HGF: variants seen among roughly 807,000 people sequenced by gnomAD.
The protein encoded by HGF is hepatocyte growth factor, also known as fibroblast-derived tumor cytotoxic factor.
Under a neutral mutation model 111.6 loss-of-function variants are expected in HGF, and 39 were observed. The ratio of observed to expected loss-of-function variants is 0.35; its 90% CI spans 0.27 to 0.46. The LOEUF (loss-of-function observed/expected upper bound fraction) is 0.46. Among genes scored for constraint, HGF ranks in the 20% least tolerant of loss-of-function variants. The pLI, the probability that HGF is intolerant of heterozygous loss-of-function variation, is 1.00. For synonymous variants in HGF, 285 were observed against 294.8 expected (o/e 0.97, Z 0.34); for missense variants, 735 against 910.5 (o/e 0.81, Z 2.48).
intron 10 of HGF, 126 bp downstream of exon 10, chr7:81,720,619 T>A: frequency 2.9e-6 from 2 of 678,448 alleles, no homozygotes; most frequent in Non-Finnish European, 5.3e-6. Context: ...GAAAAACCAA[T>A]CTAATGCTTT....
chr7:81,755,918 T>A (rs1290994709), intron 4 of HGF: 11 of 675,696 alleles, frequency 1.6e-5, no homozygotes, highest in Non-Finnish European at 2.2e-5. Context: ...ATAGGTTTAA[T>A]CCCAGTGTGG....
At chr7:81,743,990 CAG>C (rs1470741993) in intron 6 of HGF, among the ~76,000 whole-genome samples, 2 of 152,196 alleles carry the variant, frequency 1.3e-5, no homozygotes, top group Non-Finnish European at 2.9e-5. Context: ...TTCAAATGAA[CAG>C]AGTCCTGAAT....
At chr7:81,766,393 A>T (rs1287426390) in intron 1 of HGF, among the ~76,000 whole-genome samples, 1 of 152,180 alleles carries the variant, frequency 6.6e-6, no homozygotes, top group Admixed American at 6.5e-5. Context: ...AATTAATGGA[A>T]GGGAATGGTT....
intron 4 of HGF, among the ~76,000 whole-genome samples, chr7:81,752,982 C>T (rs1034187164): frequency 4.6e-5 from 7 of 152,048 alleles, no homozygotes; most frequent in Non-Finnish European, 7.4e-5. Context: ...AAGCACACTC[C>T]ACTTTGTAGT....
chr7:81,757,339 G>T, intron 3 of HGF, 36 bp from the exon 4 acceptor site: 1 of 1,082,978 alleles, frequency 9.2e-7, no homozygotes, highest in Non-Finnish European at 1.4e-6. Context: ...TTGCAACTAT[G>T]CAAAACATAT....
intron 6 of HGF, 134 bp from the exon 7 acceptor site, chr7:81,743,605 T>C: frequency 1.3e-6 from 1 of 741,208 alleles, no homozygotes; most frequent in Non-Finnish European, 2.5e-6. Flanking sequence ...ATGTTTTGCC[T>C]TACGAGGACT....
chr7:81,751,918 C>T (rs1019792976), intron 5 of HGF: 319 of 1,398,568 alleles, frequency 2.3e-4, no homozygotes, highest in Non-Finnish European at 2.8e-4. Context: ...TGATAACTCG[C>T]TCTGTTATTT....
In HGF at chr7:81,764,895, C is replaced by G. The variant is rs546984207; in HGVS notation, c.89-2023G>C. ...ATTTCTAAGGTGCTTTGAAATGCTTCATAGCATAATAGTTTTATAATTTCC... is the reference window on the plus strand; with the variant it reads ...ATTTCTAAGGTGCTTTGAAATGCTTGATAGCATAATAGTTTTATAATTTCC... On this transcript the variant is annotated intron_variant, in intron 1 of 17. Transcript: ENST00000222390. 9.2e-5 allele frequency among the ~76,000 whole-genome samples: 14 copies of G among 151,898 alleles called. No individual in the cohort carries two copies. The East Asian group carries it at 2.1e-3, about 23-fold the overall frequency.
intron 7 of HGF, among the ~76,000 whole-genome samples, chr7:81,733,467 T>C (rs1205201230): frequency 6.6e-6 from 1 of 152,050 alleles, no homozygotes; most frequent in Non-Finnish European, 1.5e-5. Flanking sequence ...ATTTTTCTTG[T>C]GTTTTAATTC....
At chr7:81,745,252 T>C (rs1018632020) in intron 5 of HGF, 132 bp from the exon 6 acceptor site, 14 of 846,370 alleles carry the variant, frequency 1.7e-5, no homozygotes, top group East Asian at 5.2e-5. Context: ...TCTAACTTTT[T>C]ATTAGGGCCT....
At chr7:81,753,013 TAAAG>T (rs1788581309) in intron 4 of HGF, among the ~76,000 whole-genome samples, 1 of 152,116 alleles carries the variant, frequency 6.6e-6, no homozygotes, top group Non-Finnish European at 1.5e-5. Context: ...TGTGTCCTAA[TAAAG>T]AACAGAATTG....
intron 2 of HGF, among the ~76,000 whole-genome samples, chr7:81,760,687 G>A (rs1228751883): frequency 7.7e-5 from 5 of 64,880 alleles, no homozygotes; most frequent in East Asian, 4.4e-4. Context: ...GTGCGTGTGT[G>A]TGTGTGTGTG....
chr7:81,752,719 C>T (rs1331126209), intron 4 of HGF, among the ~76,000 whole-genome samples: 1 of 151,818 alleles, frequency 6.6e-6, no homozygotes, highest in African/African-American at 2.4e-5. Context: ...CCCCTTTTTT[C>T]TGCACAATTG....
intron 7 of HGF, among the ~76,000 whole-genome samples, chr7:81,741,566 T>TATG (rs1491555382): frequency 6.7e-6 from 1 of 149,958 alleles, no homozygotes; most frequent in Non-Finnish European, 1.5e-5. Flanking sequence ...GGTGAGTGTG[T>TATG]ATGTGTGTGT....
chr7:81,742,658 C>A, intron 7 of HGF: 1 of 1,225,140 alleles, frequency 8.2e-7, no homozygotes, highest in Non-Finnish European at 1.0e-6. Flanking sequence ...GAGGAGAGGA[C>A]CAAGTTCACA....
At chr7:81,748,583 A>T (rs557372036) in intron 5 of HGF, among the ~76,000 whole-genome samples, 2 of 152,296 alleles carry the variant, frequency 1.3e-5, no homozygotes, top group South Asian at 4.1e-4. Context: ...AAACGATGTA[A>T]CAGTTTATAT....
At chr7:81,726,355 A>G (rs555648557) in intron 8 of HGF, among the ~76,000 whole-genome samples, 1 of 152,282 alleles carries the variant, frequency 6.6e-6, no homozygotes, top group African/African-American at 2.4e-5. Flanking sequence ...ATTTCAAAAC[A>G]TTGGCCTGTT....
intron 8 of HGF, among the ~76,000 whole-genome samples, chr7:81,727,324 T>A (rs573211325): frequency 2.6e-5 from 4 of 152,156 alleles, no homozygotes; most frequent in South Asian, 2.1e-4. Context: ...ATTACAGGCA[T>A]GAGCCACCGC....
chr7:81,712,503 T>C (rs571232875), intron 11 of HGF, among the ~76,000 whole-genome samples: 2 of 152,328 alleles, frequency 1.3e-5, no homozygotes, highest in African/African-American at 4.8e-5. Context: ...CACTGAAAAC[T>C]ACAAATTAAT....
Sources: gnomAD v4.1 joint callset for allele counts (sites outside exome capture counted in the v4.1 genomes callset) on GRCh38, gnomAD v4.1.1 for gene constraint, MANE v1.5 for transcripts, NCBI Gene and HGNC (gene_info 2026-07-23, HGNC 2026-07-21) for gene names.